Variants in KCNK9 observed in about 807,000 individuals in gnomAD.
KCNK9 encodes the protein potassium channel subfamily K member 9.
KCNK9 carries 1 observed loss-of-function variant against 10.8 expected under a neutral mutation model. The observed-to-expected ratio is 0.09, with a 90% CI of 0.03 to 0.44. The LOEUF is 0.44. Among genes scored for constraint, KCNK9 ranks in the 20% least tolerant of loss-of-function variants. The pLI is 0.97. For missense variants in KCNK9, 303 were observed against 515.0 expected, an observed-to-expected ratio of 0.59 and a Z score of 3.98; for synonymous variants, 231 against 222.7, an observed-to-expected ratio of 1.04 and a Z score of -0.33.
chr8:139,678,339 C>T (rs909415003), intron 1 of KCNK9, among the ~76,000 whole-genome samples: 2 of 152,204 alleles, frequency 1.3e-5, no homozygotes, highest in East Asian at 1.9e-4. Flanking sequence ...ACCCACCTCC[C>T]TTCTGGGTGA....
At chr8:139,681,251 C>G (rs1258271000) in intron 1 of KCNK9, among the ~76,000 whole-genome samples, 4 of 152,222 alleles carry the variant, frequency 2.6e-5, no homozygotes, top group Non-Finnish European at 5.9e-5. Flanking sequence ...CATGGTCACA[C>G]AATGAGAAAG....
chr8:139,668,203 G>C (rs561284819), intron 1 of KCNK9, among the ~76,000 whole-genome samples: 2 of 152,248 alleles, frequency 1.3e-5, no homozygotes, highest in South Asian at 2.1e-4. Context: ...GGGTGAGAGA[G>C]GAGGGAGAGG....
At chr8:139,680,578 C>G (rs1373542345) in intron 1 of KCNK9, among the ~76,000 whole-genome samples, 3 of 152,166 alleles carry the variant, frequency 2.0e-5, no homozygotes, top group African/African-American at 7.2e-5. Context: ...CTCAGATCTG[C>G]CCCTGCCCCA....
chr8:139,693,381 TGAG>T lies in KCNK9; in HGVS notation c.283+9326_283+9328del, dbSNP rs750783819. The stretch of plus-strand genomic sequence containing the variant: ...TTGTCTTCCATTAAAAGCAACAGCT[TGAG>T]TTCAAAAGGCTGCAGCCTGTCCTGC... On this transcript the variant is annotated intron_variant, in intron 1 of 1. Coordinates refer to ENST00000520439, the MANE Select transcript of KCNK9 (RefSeq NM_001282534.2). The surrounding 1 kb of genome is among the most constrained non-coding windows in gnomAD (Gnocchi z 4.1). Among the ~76,000 whole-genome samples the T allele has an allele frequency of 1.3e-5, 2 of 151,974 alleles. No homozygotes were observed. Among genetic ancestry groups the T allele is most frequent in the African/African-American group, 2.4e-5 (1 of 41,372 alleles).
intron 1 of KCNK9, among the ~76,000 whole-genome samples, chr8:139,640,363 T>TC (rs1815466120): frequency 1.3e-5 from 2 of 152,272 alleles, no homozygotes; most frequent in African/African-American, 4.8e-5. Flanking sequence ...ACATCTCCCA[T>TC]TCCAAGGATG....
At chr8:139,654,701 G>A (rs1309064521) in intron 1 of KCNK9, among the ~76,000 whole-genome samples, 2 of 152,208 alleles carry the variant, frequency 1.3e-5, no homozygotes, top group Non-Finnish European at 2.9e-5. Flanking sequence ...TAAGATCCAC[G>A]AAGACACGCA....
chr8:139,652,771 T>A (rs1815907590), intron 1 of KCNK9, among the ~76,000 whole-genome samples: 1 of 152,218 alleles, frequency 6.6e-6, no homozygotes, highest in African/African-American at 2.4e-5. Flanking sequence ...CGCTGTCAGC[T>A]ACTGGCTGCG....
chr8:139,630,064 A>G (rs1586644879), intron 1 of KCNK9, among the ~76,000 whole-genome samples: 1 of 143,316 alleles, frequency 7.0e-6, no homozygotes. Flanking sequence ...TTGCGGGGGG[A>G]GCGGGCGTGG....
chr8:139,697,882 G>A (rs559149412), intron 1 of KCNK9, among the ~76,000 whole-genome samples: 350 of 152,260 alleles, frequency 2.3e-3, no homozygotes, highest in African/African-American at 8.1e-3. Flanking sequence ...GCCCAGGTCC[G>A]AGAAGGGTGT....
In KCNK9 at chr8:139,702,154, C is replaced by T. The variant is rs921829697; in HGVS notation, c.283+556G>A. The stretch of plus-strand genomic sequence containing the variant: ...CTGGAACTCAGGGGAAAAAAGGAGC[C>T]GGGCGGGGGGAAGAGAGATGAAATC... On this transcript the variant is annotated intron_variant, in intron 1 of 1. Coordinates refer to ENST00000520439, the MANE Select transcript of KCNK9 (RefSeq NM_001282534.2). The surrounding 1 kb of genome is among the most constrained non-coding windows in gnomAD (Gnocchi z 7.5). Among the ~76,000 whole-genome samples, 3 of 152,036 alleles carry T rather than the reference C, an allele frequency of 2.0e-5. No individual in the cohort carries two copies. The highest frequency in any genetic ancestry group is 7.3e-5 in the African/African-American group (3 of 41,378).
rs60908124 is a variant in KCNK9, at chr8:139,632,680, G to A, written c.284-13581C>T. ...CTCTCTCCCTGCTCCCATTCCCCCC[G>A]CTCCCTCCCTAAAGATAGAAGCCTC... is the stretch of plus-strand genomic sequence containing the variant. On this transcript the variant is annotated intron_variant, in intron 1 of 1. Coordinates refer to ENST00000520439, the MANE Select transcript of KCNK9 (RefSeq NM_001282534.2). Among the ~76,000 whole-genome samples, 1,071 of 151,986 alleles carry A rather than the reference G, an allele frequency of 7.0e-3. 11 individuals are homozygous for A. Among genetic ancestry groups the A allele is most frequent in the African/African-American group, 0.025 (1,023 of 41,404 alleles).
At chr8:139,686,605 T>A (rs1387919907) in intron 1 of KCNK9, among the ~76,000 whole-genome samples, 1 of 152,258 alleles carries the variant, frequency 6.6e-6, no homozygotes, top group African/African-American at 2.4e-5. Context: ...GTTATCATCC[T>A]CATTTCATAG....
rs534058204 is a variant in KCNK9, at chr8:139,636,421, G to A, written c.284-17322C>T. On this transcript the variant is annotated intron_variant, in intron 1 of 1. Coordinates refer to ENST00000520439, the MANE Select transcript of KCNK9 (RefSeq NM_001282534.2). ...TCCCCATACCCCGGCCCCCTGCCAA[G>A]GATAGAGTCACTCCTTAAGCCATTT... Among the ~76,000 whole-genome samples the A allele has an allele frequency of 5.3e-5, 8 of 152,346 alleles. No homozygotes were observed. In the South Asian group the frequency reaches 1.7e-3, roughly 32 times the overall value.
chr8:139,690,951 G>T (rs1816922966), intron 1 of KCNK9, among the ~76,000 whole-genome samples: 2 of 152,198 alleles, frequency 1.3e-5, no homozygotes, highest in Admixed American at 1.3e-4. Flanking sequence ...CTGGCACACT[G>T]ATGAAAAGGC....
At chr8:139,610,359 G>C (rs1814383226), downstream of KCNK9, among the ~76,000 whole-genome samples, 1 of 152,240 alleles carries the variant, frequency 6.6e-6, no homozygotes, top group Non-Finnish European at 1.5e-5. Context: ...AGGGAGTCAA[G>C]ATCACTGTTT....
chr8:139,617,427 G>GT lies in KCNK9; in HGVS notation c.*830dup, dbSNP rs1563716162. ...TTGGCTTTGGATTATTCCATTTCTA[G>GT]TTTTTTTGTTGATAGCGCATACCAG... On this transcript the variant is annotated 3_prime_UTR_variant, in exon 2 of 2. Transcript: ENST00000520439. Among the ~76,000 whole-genome samples, 2 of 152,136 alleles carry GT rather than the reference G, an allele frequency of 1.3e-5. No homozygotes were observed. The highest frequency in any genetic ancestry group is 2.4e-5 in the African/African-American group (1 of 41,436).
chr8:139,639,354 G>A (rs1282661651), intron 1 of KCNK9, among the ~76,000 whole-genome samples: 2 of 152,222 alleles, frequency 1.3e-5, no homozygotes, highest in Non-Finnish European at 2.9e-5. Flanking sequence ...GCCAAGATGT[G>A]GCCCCGGGTG....
intron 1 of KCNK9, among the ~76,000 whole-genome samples, chr8:139,626,844 G>C (rs778659667): frequency 3.4e-4 from 52 of 152,252 alleles, no homozygotes; most frequent in Non-Finnish European, 6.5e-4. Flanking sequence ...ACTCAGGGTG[G>C]CTTGGAGGAG....
At chr8:139,636,151 C>T (rs1330305367) in intron 1 of KCNK9, among the ~76,000 whole-genome samples, 1 of 152,224 alleles carries the variant, frequency 6.6e-6, no homozygotes, top group Non-Finnish European at 1.5e-5. Context: ...TGAAGACCAG[C>T]CTTTATTGGC....
Sources: allele counts gnomAD v4.1 joint callset (sites outside exome capture counted in the v4.1 genomes callset), GRCh38; gene constraint gnomAD v4.1.1; non-coding constraint Gnocchi (gnomAD v3.1); transcripts MANE v1.5; gene names NCBI Gene and HGNC (gene_info 2026-07-23, HGNC 2026-07-21).